The following OFD1 variants were observed in gnomAD, a reference collection of about 807,000 sequenced individuals.
The protein encoded by OFD1 is OFD1 centriole and centriolar satellite protein, also known as centriole and centriolar satellite protein OFD1.
A neutral mutation model predicts 81.4 loss-of-function variants in OFD1; 12 were observed. That is an observed-to-expected ratio of 0.15 (90% CI 0.09 to 0.24). OFD1 has a LOEUF of 0.24. Ranked by LOEUF, OFD1 falls within the 10% of genes least tolerant of loss-of-function variation. The probability of loss-of-function intolerance (pLI) is 1.00; values close to 1 mark genes in which losing one functional copy is unlikely to be tolerated. For missense variants in OFD1, 685 were observed against 733.9 expected, an observed-to-expected ratio of 0.93 and a Z score of 0.77; for synonymous variants, 256 against 263.7, an observed-to-expected ratio of 0.97 and a Z score of 0.28.
Position 13,769,187 on chromosome X carries a change from T to A in OFD1, c.*79T>A. On this transcript the variant is annotated 3_prime_UTR_variant, in exon 23 of 23. Coordinates refer to ENST00000340096, the MANE Select transcript of OFD1 (RefSeq NM_003611.3). ...TTACTCCTTTGTAAATGTTTCCCTATCATCAGACAAAACTCAATAAAAATG... is the reference window on the plus strand; with the variant it reads ...TTACTCCTTTGTAAATGTTTCCCTAACATCAGACAAAACTCAATAAAAATG... 1.2e-6 allele frequency: 1 copy of A among 801,081 alleles called. No individual in the cohort carries two copies. The highest frequency in any genetic ancestry group is 1.9e-6 in the Non-Finnish European group (1 of 527,417). The allele number at this position is 801,081 out of a possible 1,213,427, so 66.0% of individuals were successfully genotyped here.
chrX:13,757,633 A>AT lies in OFD1; in HGVS notation c.1412-11dup, dbSNP rs36052228. The AT allele has an allele frequency of 0.011, 12,196 of 1,083,028 alleles. 1 individual carries two copies. Among genetic ancestry groups the AT allele is most frequent in the Non-Finnish European group, 0.013 (10,322 of 804,079 alleles). 89.3% of individuals were successfully genotyped at this position (1,083,028 alleles called of 1,213,427 possible). ...AAACTTAAGGTTGGTAATGACTAGG[A>AT]TTTTTTTTTTTTTTTTACCTTCTTA... On this transcript the variant is annotated intron_variant, in intron 13 of 22. Transcript: ENST00000340096.
At chrX:13,756,408 C>T (rs1026204377) in intron 12 of OFD1, among the ~76,000 whole-genome samples, 170 bp from the exon 13 acceptor site, 23 of 111,698 alleles carry the variant, frequency 2.1e-4, no homozygotes, top group Non-Finnish European at 3.4e-4. Flanking sequence ...AACTGTAGGG[C>T]GGAAGATAAT....
intron 15 of OFD1, among the ~76,000 whole-genome samples, chrX:13,759,607 C>G (rs1057288456): frequency 1.8e-5 from 2 of 112,107 alleles, no homozygotes; most frequent in African/African-American, 6.5e-5. Flanking sequence ...GTTGTGAATG[C>G]AGGTCCTCAC....
intron 20 of OFD1, 72 bp downstream of exon 20, chrX:13,767,356 G>C: frequency 2.8e-6 from 3 of 1,076,796 alleles, no homozygotes; most frequent in Non-Finnish European, 2.6e-6. Flanking sequence ...TTGAGCTCAG[G>C]GAGGGGAGTC....
chrX:13,762,338 A>C lies in OFD1; in HGVS notation c.2388-6A>C. The C allele has an allele frequency of 8.8e-7, 1 of 1,140,740 alleles. No homozygotes were observed. The highest frequency in any genetic ancestry group is 1.2e-6 in the Non-Finnish European group (1 of 831,017). 94.0% of individuals were successfully genotyped at this position (1,140,740 alleles called of 1,213,427 possible). A position where few individuals can be genotyped will look rare whatever the true frequency, so the allele number is the denominator to read the frequency against. ...AAACTTCACGAGTTTTATCCTTCCA[A>C]TCTAGTCTTTATCGAAGACAAACTG... On this transcript the variant is annotated splice_region_variant and splice_polypyrimidine_tract_variant and intron_variant, in intron 17 of 22. Transcript: ENST00000340096.
In OFD1 at chrX:13,735,097, C is replaced by T. The variant is rs755052159; in HGVS notation, c.12+14C>T. On this transcript the variant is annotated intron_variant, in intron 1 of 22. Transcript: ENST00000340096. ...ATGATGGCGCAGGTAGACACACCTG[C>T]CCCTTCTCGGGCGGAAATAAAGTCT... 2 of 1,203,669 alleles carry T rather than the reference C, an allele frequency of 1.7e-6. No homozygotes were observed. The highest frequency in any genetic ancestry group is 3.0e-5 in the East Asian group (1 of 33,669).
chrX:13,758,615 C>CATCTGG (rs1007686637), intron 15 of OFD1, among the ~76,000 whole-genome samples, 167 bp downstream of exon 15: 37 of 111,325 alleles, frequency 3.3e-4, no homozygotes, highest in African/African-American at 1.2e-3. Context: ...TTGGTAATAC[C>CATCTGG]ATCTGGATCA....
At chrX:13,716,627 C>T in the OFD1 span, 1 of 1,211,510 alleles carries the variant, frequency 8.3e-7, no homozygotes, top group Non-Finnish European at 1.1e-6. Context: ...TTCTCATCTA[C>T]GAGGTCGAGA....
downstream of OFD1, chrX:13,771,861 AATTACTTAAGTATTCAAGTCTAT>A (rs1418938244): frequency 1.8e-5 from 2 of 112,504 alleles, no homozygotes; most frequent in African/African-American, 6.5e-5. Context: ...CCCTAATTTA[AATTACTTAAGTATTCAAGTCTAT>A]AAAAGTAGGA....
chrX:13,736,804 A>G lies in OFD1; in HGVS notation c.312+126A>G, dbSNP rs944534835. On this transcript the variant is annotated intron_variant, in intron 3 of 22. Transcript: ENST00000340096. ...CCATTTCTGTTTCCTCTTTGAATTC[A>G]CATTGTACCTGCACATAATATATTT... 9.9e-6 allele frequency: 5 copies of G among 503,650 alleles called. No individual in the cohort carries two copies. The African/African-American group carries it at 1.2e-4, about 12-fold the overall frequency. 41.5% of individuals were successfully genotyped at this position (503,650 alleles called of 1,213,427 possible).
intron 3 of OFD1, among the ~76,000 whole-genome samples, chrX:13,738,070 G>C (rs192345692): frequency 3.6e-5 from 4 of 111,505 alleles, no homozygotes; most frequent in South Asian, 3.7e-4. Flanking sequence ...GGCTGGTCTC[G>C]AATCCTGACC....
At chrX:13,761,237 G>C in intron 17 of OFD1, 26 bp downstream of exon 17, 2 of 1,205,410 alleles carry the variant, frequency 1.7e-6, no homozygotes, top group Non-Finnish European at 2.2e-6. Context: ...TGATTGATTA[G>C]CTTCAGCTGA....
In OFD1 at chrX:13,762,432, T is replaced by G; in HGVS notation, c.2476T>G (p.Ser826Ala). The change falls in exon 18 of 23, where the codon TCA becomes GCA. Residue 826 changes from serine (S) to alanine (A), a missense_variant. Ser to Ala is a moderately conservative substitution (Grantham distance 99, BLOSUM62 1). Transcript: ENST00000340096. ...LAFKDNEEFE[S>A]SFESAGNMPR... ...TTTTAAGGATAATGAGGAGTTTGAA[T>G]CATCTTTTGAATGTAAGTTCAAATA... 8.7e-7 allele frequency: 1 copy of G among 1,150,440 alleles called. No homozygotes were observed. The highest frequency in any genetic ancestry group is 1.2e-6 in the Non-Finnish European group (1 of 839,822). 94.8% of individuals were successfully genotyped at this position (1,150,440 alleles called of 1,213,427 possible). A position where few individuals can be genotyped will look rare whatever the true frequency, so the allele number is the denominator to read the frequency against.
chrX:13,752,213 T>G (rs762252929), intron 10 of OFD1, among the ~76,000 whole-genome samples: 1 of 112,355 alleles, frequency 8.9e-6, no homozygotes, highest in Non-Finnish European at 1.9e-5. Flanking sequence ...TATGGTAACT[T>G]TGGCTTTTCT....
At chrX:13,716,481 G>A in the OFD1 span, 5 of 1,186,012 alleles carry the variant, frequency 4.2e-6, no homozygotes, top group African/African-American at 1.8e-5. Context: ...ATGTTCTTCT[G>A]GTTTGTGAGC....
chrX:13,738,268 C>G (rs2887688), intron 3 of OFD1, among the ~76,000 whole-genome samples: 1 of 111,714 alleles, frequency 9.0e-6, no homozygotes, highest in Admixed American at 9.5e-5. Flanking sequence ...TACAACTTAA[C>G]GGTTTCTACT....
intron 19 of OFD1, among the ~76,000 whole-genome samples, chrX:13,764,586 C>T (rs918984998): frequency 2.7e-5 from 3 of 112,103 alleles, no homozygotes; most frequent in Non-Finnish European, 5.6e-5. Context: ...GTGTTTAATC[C>T]TCAAATCTGA....
chrX:13,762,608 A>G (rs186987583), intron 18 of OFD1, among the ~76,000 whole-genome samples, 164 bp downstream of exon 18: 1 of 112,636 alleles, frequency 8.9e-6, no homozygotes. Flanking sequence ...TTTTTCTACC[A>G]TGATGATTTT....
At position 13,742,193 on chromosome X, in the gene OFD1, A is replaced by AT. The variant is rs1169003002; in HGVS notation, c.413-2212dup. Among the ~76,000 whole-genome samples the AT allele has an allele frequency of 5.6e-3, 611 of 109,792 alleles. 3 individuals are homozygous for AT. Among genetic ancestry groups the AT allele is most frequent in the Non-Finnish European group, 8.8e-3 (462 of 52,392 alleles). On this transcript the variant is annotated intron_variant, in intron 5 of 22. Transcript: ENST00000340096. The stretch of plus-strand genomic sequence containing the variant: ...ACATCCACACAAATATAGTCAATTG[A>AT]TTTTTTTTTTAACAAAGGTGCAAAG...
Sources: allele counts gnomAD v4.1 joint callset (sites outside exome capture counted in the v4.1 genomes callset), GRCh38; gene constraint gnomAD v4.1.1; transcripts MANE v1.5; gene names NCBI Gene and HGNC (gene_info 2026-07-23, HGNC 2026-07-21).